The following TRAT1 variants were observed in gnomAD, a reference collection of about 807,000 sequenced individuals.
TRAT1 encodes T cell receptor associated transmembrane adaptor 1.
A neutral mutation model predicts 20.0 loss-of-function variants in TRAT1; 20 were observed. The ratio of observed to expected loss-of-function variants is 1.00; its 90% CI spans 0.70 to 1.45. The LOEUF is 1.45. TRAT1 is among the 40% of genes most tolerant of loss of function. The pLI, the probability that TRAT1 is intolerant of heterozygous loss-of-function variation, is 0.00. For missense variants in TRAT1, 237 were observed against 224.1 expected, an observed-to-expected ratio of 1.06 and a Z score of -0.37; for synonymous variants, 77 against 74.2, an observed-to-expected ratio of 1.04 and a Z score of -0.20.
chr3:108,853,893 G>A lies in TRAT1; in HGVS notation c.*16G>A. The A allele has an allele frequency of 1.2e-6, 2 of 1,610,954 alleles. No individual in the cohort carries two copies. The highest frequency in any genetic ancestry group is 2.2e-5 in the South Asian group (2 of 90,872). On this transcript the variant is annotated 3_prime_UTR_variant, in exon 6 of 6. Coordinates refer to ENST00000295756, the MANE Select transcript of TRAT1 (RefSeq NM_016388.4). ...TATAAACTAGCTGGACCATGATCTA[G>A]TTCAATGATTTGGCTCCTATTGAAG... is the stretch of plus-strand genomic sequence containing the variant.
At chr3:108,840,616 T>C (rs1190287121) in intron 3 of TRAT1, among the ~76,000 whole-genome samples, 1 of 150,636 alleles carries the variant, frequency 6.6e-6, no homozygotes, top group South Asian at 2.1e-4. Context: ...TGCTAGACAA[T>C]AGCAAAATAA....
intron 1 of TRAT1, among the ~76,000 whole-genome samples, chr3:108,829,602 C>CACACACACAT: frequency 6.6e-6 from 1 of 151,582 alleles, no homozygotes; most frequent in South Asian, 2.1e-4. Context: ...CACACACACA[C>CACACACACAT]ACACACACAC....
intron 3 of TRAT1, among the ~76,000 whole-genome samples, chr3:108,844,318 GA>G (rs1344958771): frequency 6.7e-6 from 1 of 148,546 alleles, no homozygotes; most frequent in Admixed American, 6.6e-5. Flanking sequence ...TAGAAGTAGT[GA>G]TTTTTTTTTT....
chr3:108,836,046 A>G (rs1945837827), intron 2 of TRAT1, among the ~76,000 whole-genome samples: 1 of 152,058 alleles, frequency 6.6e-6, no homozygotes, highest in African/African-American at 2.4e-5. Context: ...CAGCCTCCCG[A>G]GTAGCTGGGA....
chr3:108,839,350 C>T (rs547043102), intron 3 of TRAT1: 69 of 175,730 alleles, frequency 3.9e-4, no homozygotes, highest in African/African-American at 1.5e-3. Flanking sequence ...TATGTATACA[C>T]GGGCCAGGCA....
At chr3:108,844,660 C>T (rs1003049540) in intron 3 of TRAT1, among the ~76,000 whole-genome samples, 65 of 151,344 alleles carry the variant, frequency 4.3e-4, no homozygotes, top group African/African-American at 1.4e-3. Context: ...CTGGCTAACA[C>T]GGTGAAACCC....
intron 3 of TRAT1, among the ~76,000 whole-genome samples, chr3:108,840,952 C>T (rs1397399782): frequency 6.6e-6 from 1 of 152,356 alleles, no homozygotes; most frequent in Admixed American, 6.5e-5. Context: ...AGCAGCCTAC[C>T]TTTGGGTTTA....
intron 3 of TRAT1, chr3:108,839,301 A>G (rs1290421591): frequency 1.6e-5 from 4 of 255,078 alleles, no homozygotes; most frequent in African/African-American, 2.3e-5. Flanking sequence ...TTCAAAATCC[A>G]TAGTAGAAAA....
intron 3 of TRAT1, 104 bp from the exon 4 acceptor site, chr3:108,846,964 A>C: frequency 1.2e-6 from 1 of 818,790 alleles, no homozygotes; most frequent in South Asian, 1.5e-5. Flanking sequence ...GGGGTAACCA[A>C]GAATAGGCAA....
chr3:108,850,944 T>C (rs2107516541), intron 5 of TRAT1, among the ~76,000 whole-genome samples: 1 of 152,320 alleles, frequency 6.6e-6, no homozygotes, highest in East Asian at 1.9e-4. Context: ...ATGCAAAGCC[T>C]TAAAATGTCT....
chr3:108,844,609 C>A (rs1411968067), intron 3 of TRAT1, among the ~76,000 whole-genome samples: 1 of 151,458 alleles, frequency 6.6e-6, no homozygotes, highest in Non-Finnish European at 1.5e-5. Context: ...CTTTGGGAGG[C>A]CGAGGCGGGC....
intron 1 of TRAT1, among the ~76,000 whole-genome samples, chr3:108,826,893 A>T (rs950012324): frequency 6.6e-6 from 1 of 152,168 alleles, no homozygotes; most frequent in African/African-American, 2.4e-5. Flanking sequence ...TGTAAATCAA[A>T]TCTGCCAGCA....
intron 5 of TRAT1, among the ~76,000 whole-genome samples, chr3:108,852,388 C>T (rs1946005674): frequency 1.7e-5 from 1 of 57,176 alleles, no homozygotes; most frequent in African/African-American, 6.9e-5. Flanking sequence ...TCTCAAAAAA[C>T]ACACGCATGC....
chr3:108,838,434 AT>A (rs1190130243), intron 2 of TRAT1, among the ~76,000 whole-genome samples: 1 of 152,082 alleles, frequency 6.6e-6, no homozygotes, highest in South Asian at 2.1e-4. Context: ...TCTCCTATTG[AT>A]TTTTTTCGTT....
intron 1 of TRAT1, among the ~76,000 whole-genome samples, chr3:108,827,376 ATGTGTGTATGT>A (rs1945750570): frequency 9.2e-6 from 1 of 108,870 alleles, no homozygotes; most frequent in African/African-American, 3.4e-5. Flanking sequence ...GGTATAAAGT[ATGTGTGTATGT>A]GTGTGTGTGT....
rs373391170 is a variant in TRAT1 at position 108,833,157 on chromosome 3, CCT to C, written c.118+2378_118+2379del. Among the ~76,000 whole-genome samples the C allele has an allele frequency of 4.0e-3, 608 of 152,268 alleles. 5 individuals are homozygous for C. The highest frequency in any genetic ancestry group is 0.014 in the African/African-American group (583 of 41,544). On this transcript the variant is annotated intron_variant, in intron 2 of 5. Transcript: ENST00000295756. ...GTGTTTGGTAGTTAAAAAAGCAGTG[CCT>C]GTAATCCCAGTGCTTTGGGAGGCAG...
At chr3:108,848,278 G>T (rs1348112461) in intron 4 of TRAT1, among the ~76,000 whole-genome samples, 1 of 152,108 alleles carries the variant, frequency 6.6e-6, no homozygotes, top group East Asian at 1.9e-4. Flanking sequence ...GATTTTCCAT[G>T]GACCATGATT....
chr3:108,848,043 T>C (rs1175898360), intron 4 of TRAT1, among the ~76,000 whole-genome samples: 1 of 152,244 alleles, frequency 6.6e-6, no homozygotes, highest in Admixed American at 6.5e-5. Context: ...TTTGGAAATA[T>C]ATTATTCAAA....
At chr3:108,840,629 T>C (rs1945887778) in intron 3 of TRAT1, among the ~76,000 whole-genome samples, 1 of 152,058 alleles carries the variant, frequency 6.6e-6, no homozygotes, top group African/African-American at 2.4e-5. Flanking sequence ...CAAAATAAGT[T>C]TGCTGATTAC....
Sources: allele counts gnomAD v4.1 joint callset (sites outside exome capture counted in the v4.1 genomes callset), GRCh38; gene constraint gnomAD v4.1.1; transcripts MANE v1.5; gene names NCBI Gene and HGNC (gene_info 2026-07-23, HGNC 2026-07-21).